Variants in HSD17B4 observed in about 807,000 individuals in gnomAD.
The protein encoded by HSD17B4 is peroxisomal multifunctional enzyme type 2.
HSD17B4 carries 70 observed loss-of-function variants against 101.0 expected under a neutral mutation model. The ratio of observed to expected loss-of-function variants is 0.69; its 90% CI spans 0.57 to 0.85. The LOEUF (loss-of-function observed/expected upper bound fraction) is 0.85. Among genes scored for constraint, HSD17B4 ranks in the 40% least tolerant of loss-of-function variants. HSD17B4 has a pLI of 0.00. For synonymous variants in HSD17B4, 347 were observed against 297.1 expected (o/e 1.17, Z -1.73); for missense variants, 984 against 892.4 (o/e 1.10, Z -1.31).
intron 14 of HSD17B4, among the ~76,000 whole-genome samples, chr5:119,506,530 C>G (rs1008007741): frequency 1.9e-4 from 29 of 152,026 alleles, no homozygotes; most frequent in Admixed American, 5.2e-4. Context: ...GGGTACATAC[C>G]CAGTAATGGG....
chr5:119,541,569 G>A (rs1754994355), intron 23 of HSD17B4, among the ~76,000 whole-genome samples: 1 of 152,090 alleles, frequency 6.6e-6, no homozygotes, highest in African/African-American at 2.4e-5. Flanking sequence ...TTTTTATTAG[G>A]AATACAGTGT....
Position 119,493,881 on chromosome 5 carries a change from C to A in HSD17B4, c.803C>A (p.Ala268Glu). The A allele has an allele frequency of 6.2e-7, 1 of 1,612,434 alleles. No homozygotes were observed. Among genetic ancestry groups the A allele is most frequent in the Non-Finnish European group, 8.5e-7 (1 of 1,178,662 alleles). The change falls in exon 11 of 24, where the codon GCA becomes GAA. Residue 268 changes from alanine (A) to glutamate (E), a missense_variant. Transcript: ENST00000510025. ...AAGAATCACCCAATGACTCCTGAGGCAGTCAAGGCTAACTGGAAGAAGATC... is the reference window on the plus strand; with the variant it reads ...AAGAATCACCCAATGACTCCTGAGGAAGTCAAGGCTAACTGGAAGAAGATC... ...RQKNHPMTPE[A>E]VKANWKKICD...
intron 17 of HSD17B4, among the ~76,000 whole-genome samples, chr5:119,517,743 A>T (rs895188608): frequency 6.6e-6 from 1 of 152,068 alleles, no homozygotes; most frequent in African/African-American, 2.4e-5. Context: ...GGGGCCTTGG[A>T]CAACCTTTAT....
chr5:119,463,271 G>A (rs140071185), intron 2 of HSD17B4, among the ~76,000 whole-genome samples: 241 of 152,218 alleles, frequency 1.6e-3, no homozygotes, highest in African/African-American at 5.5e-3. Flanking sequence ...GAACGCTTAG[G>A]CCGGTTCCAT....
chr5:119,518,151 A>C (rs1201777062), intron 17 of HSD17B4, among the ~76,000 whole-genome samples: 1 of 152,096 alleles, frequency 6.6e-6, no homozygotes, highest in Non-Finnish European at 1.5e-5. Context: ...TCTTTGCAAT[A>C]AATCTTGCTA....
At chr5:119,509,735 T>C (rs1752002367) in intron 16 of HSD17B4, among the ~76,000 whole-genome samples, 1 of 152,160 alleles carries the variant, frequency 6.6e-6, no homozygotes, top group African/African-American at 2.4e-5. Flanking sequence ...ATTTGCTCAT[T>C]TACCAACATT....
Position 119,515,038 on chromosome 5 carries a change from C to A in HSD17B4, c.1495C>A (p.Leu499Ile). The A allele has an allele frequency of 6.4e-7, 1 of 1,570,054 alleles. No individual in the cohort carries two copies. Among genetic ancestry groups the A allele is most frequent in the Non-Finnish European group, 8.8e-7 (1 of 1,140,034 alleles). Residue 499 changes from leucine to isoleucine, a missense_variant, in exon 17 of 24, where the codon CTT (leucine) becomes ATT (isoleucine). By Grantham distance (5) the Leu-to-Ile change is conservative. Coordinates refer to ENST00000510025, the MANE Select transcript of HSD17B4 (RefSeq NM_000414.4). ...TGCTGTACTTACAGATACCACCTCT[C>A]TTAATCAGGTAAGATTGTATTTTTG... is the stretch of plus-strand genomic sequence containing the variant. ...PDAVLTDTTS[L>I]NQAALYRLSG...
chr5:119,486,028 T>C (rs1242787117), intron 8 of HSD17B4, among the ~76,000 whole-genome samples: 1 of 152,158 alleles, frequency 6.6e-6, no homozygotes. Flanking sequence ...CCAAGCTCAT[T>C]TGTGCACATG....
chr5:119,532,864 A>C (rs1754232689), intron 22 of HSD17B4, among the ~76,000 whole-genome samples: 1 of 152,044 alleles, frequency 6.6e-6, no homozygotes, highest in African/African-American at 2.4e-5. Context: ...AAAAATAAAC[A>C]GTTTTTTTTC....
At position 119,452,947 on chromosome 5, in the gene HSD17B4, A is replaced by G. The variant is rs565458292; in HGVS notation, c.58+314A>G. The stretch of plus-strand genomic sequence containing the variant: ...TTCTCCCTGACCCTTATCTGTGGGC[A>G]TCGATTGTTACTCTTCCTGCAATTA... On this transcript the variant is annotated intron_variant, in intron 1 of 23. Transcript: ENST00000510025. 1.2e-5 allele frequency: 13 copies of G among 1,084,538 alleles called. No individual in the cohort carries two copies. In the African/African-American group the frequency reaches 1.4e-4, roughly 12 times the overall value. The allele number at this position is 1,084,538 out of a possible 1,614,324, so 67.2% of individuals were successfully genotyped here.
chr5:119,500,398 A>G (rs778738755), intron 13 of HSD17B4, among the ~76,000 whole-genome samples: 1 of 152,074 alleles, frequency 6.6e-6, no homozygotes, highest in Non-Finnish European at 1.5e-5. Context: ...TGTAATGTAT[A>G]ATTATGTATA....
At chr5:119,492,242 A>T in intron 10 of HSD17B4, 118 bp downstream of exon 10, 1 of 799,822 alleles carries the variant, frequency 1.3e-6, no homozygotes, top group Non-Finnish European at 2.3e-6. Flanking sequence ...TAGTGCTTGC[A>T]TATTCAAACT....
intron 23 of HSD17B4, among the ~76,000 whole-genome samples, chr5:119,537,016 T>C (rs1234469018): frequency 6.6e-6 from 1 of 152,152 alleles, no homozygotes; most frequent in Admixed American, 6.6e-5. Flanking sequence ...ATGAAACTTT[T>C]GACCAATCCA....
At chr5:119,485,704 C>T (rs1580583134) in intron 8 of HSD17B4, among the ~76,000 whole-genome samples, 1 of 152,030 alleles carries the variant, frequency 6.6e-6, no homozygotes, top group South Asian at 2.1e-4. Flanking sequence ...TATTTCATTT[C>T]CCCTTTGAAA....
intron 2 of HSD17B4, among the ~76,000 whole-genome samples, chr5:119,472,042 G>T (rs550706986): frequency 1.3e-5 from 2 of 152,242 alleles, no homozygotes; most frequent in South Asian, 4.1e-4. Context: ...ATGTTTTATG[G>T]TAAGTGTCAT....
At chr5:119,497,515 A>G (rs1580617952) in intron 12 of HSD17B4, among the ~76,000 whole-genome samples, 1 of 152,118 alleles carries the variant, frequency 6.6e-6, no homozygotes, top group East Asian at 1.9e-4. Context: ...GGGAATTTGT[A>G]TTTGGGAGGG....
intron 11 of HSD17B4, among the ~76,000 whole-genome samples, chr5:119,494,325 T>TTTCTTTCTTTC (rs1554064680): frequency 2.3e-4 from 26 of 111,608 alleles, no homozygotes; most frequent in Non-Finnish European, 4.3e-4. Flanking sequence ...TCTTTCTTTC[T>TTTCTTTCTTTC]TTTCTTTCTT....
chr5:119,502,904 G>T (rs1751300986), intron 14 of HSD17B4, among the ~76,000 whole-genome samples: 1 of 152,142 alleles, frequency 6.6e-6, no homozygotes. Flanking sequence ...AGTACACTTT[G>T]TGGTGATTGT....
rs1233920879 is a variant in HSD17B4, at chr5:119,484,892, T to C, written c.623-4300T>C. ...TTAAAGCCTCTTATTCTTTAAAAAC[T>C]CTTTATGTTCTCATAGTCGTGTCAA... On this transcript the variant is annotated intron_variant, in intron 8 of 23. Coordinates refer to ENST00000510025, the MANE Select transcript of HSD17B4 (RefSeq NM_000414.4). 1.3e-5 allele frequency among the ~76,000 whole-genome samples: 2 copies of C among 152,190 alleles called. 1 individual carries two copies. Among genetic ancestry groups the C allele is most frequent in the East Asian group, 3.9e-4 (2 of 5,194 alleles).
Sources: allele counts gnomAD v4.1 joint callset (sites outside exome capture counted in the v4.1 genomes callset), GRCh38; gene constraint gnomAD v4.1.1; transcripts MANE v1.5; gene names NCBI Gene and HGNC (gene_info 2026-07-23, HGNC 2026-07-21).